MGMT: variants seen among roughly 807,000 people sequenced by gnomAD.
MGMT encodes methylated-DNA--protein-cysteine methyltransferase.
Under a neutral mutation model 15.9 loss-of-function variants are expected in MGMT, and 14 were observed. The observed-to-expected ratio is 0.88, with a 90% CI of 0.58 to 1.37. The LOEUF is 1.37. Ranked by LOEUF, MGMT falls within the 40% of genes most tolerant of loss-of-function variation. MGMT has a pLI of 0.00. For missense variants in MGMT, 282 were observed against 268.1 expected (o/e 1.05, Z -0.36); for synonymous variants, 130 against 118.2 (o/e 1.10, Z -0.65).
In MGMT at chr10:129,725,161, C is replaced by T. The variant is rs116374271; in HGVS notation, c.274+17118C>T. On this transcript the variant is annotated intron_variant, in intron 3 of 4. Transcript: ENST00000651593. Reference sequence around the variant, plus strand: ...TGGCCTTGGGAGGTGAGTGTGGTGTCGCCTTGCAGCCTTGCACTCAGCTTT... The same window carrying T: ...TGGCCTTGGGAGGTGAGTGTGGTGTTGCCTTGCAGCCTTGCACTCAGCTTT... 4.1e-3 allele frequency among the ~76,000 whole-genome samples: 629 copies of T among 152,330 alleles called. 3 individuals carry two copies. Among genetic ancestry groups the T allele is most frequent in the African/African-American group, 0.014 (590 of 41,572 alleles).
rs114906665 is a variant in MGMT, at chr10:129,506,868, G to C, written c.-12-29373G>C. Among the ~76,000 whole-genome samples the C allele has an allele frequency of 3.3e-3, 502 of 152,254 alleles. 1 individual carries two copies. The highest frequency in any genetic ancestry group is 0.011 in the African/African-American group (477 of 41,538). On this transcript the variant is annotated intron_variant, in intron 1 of 4. Coordinates refer to ENST00000651593, the MANE Select transcript of MGMT (RefSeq NM_002412.5). ...GAAACTTTTCTTAGTCCTTGGATTTGGATGTTGTCATCTTCAGGGCATCTT... is the reference window on the plus strand; with the variant it reads ...GAAACTTTTCTTAGTCCTTGGATTTCGATGTTGTCATCTTCAGGGCATCTT...
At chr10:129,636,899 G>A (rs971219039) in intron 2 of MGMT, among the ~76,000 whole-genome samples, 16 of 152,300 alleles carry the variant, frequency 1.1e-4, no homozygotes, top group Middle Eastern at 3.4e-3. Context: ...AACATTGAAA[G>A]TTCTGTTTTC....
At chr10:129,545,993 G>T (rs1846093962) in intron 2 of MGMT, among the ~76,000 whole-genome samples, 1 of 152,234 alleles carries the variant, frequency 6.6e-6, no homozygotes, top group Non-Finnish European at 1.5e-5. Context: ...CTGAAGCATT[G>T]TCTTGTGGCA....
At chr10:129,612,505 T>C (rs747854310) in intron 2 of MGMT, among the ~76,000 whole-genome samples, 1 of 152,194 alleles carries the variant, frequency 6.6e-6, no homozygotes, top group Non-Finnish European at 1.5e-5. Flanking sequence ...CATTACCTAG[T>C]TTTATACCCG....
At chr10:129,700,999 C>G (rs1465385907) in intron 2 of MGMT, 1 of 152,268 alleles carries the variant, frequency 6.6e-6, no homozygotes, top group Non-Finnish European at 1.5e-5. Context: ...CTCTCCTGGC[C>G]CTCCACACCA....
At chr10:129,567,264 T>G (rs746178846) in intron 2 of MGMT, among the ~76,000 whole-genome samples, 5 of 152,114 alleles carry the variant, frequency 3.3e-5, no homozygotes, top group African/African-American at 9.7e-5. Flanking sequence ...TTCTCAGCTC[T>G]AAGGGGCATT....
chr10:129,660,597 A>G (rs1235148538), intron 2 of MGMT, among the ~76,000 whole-genome samples: 1 of 152,172 alleles, frequency 6.6e-6, no homozygotes, highest in Non-Finnish European at 1.5e-5. Flanking sequence ...GCTGAGGGAC[A>G]TGGAGCCCTC....
intron 2 of MGMT, among the ~76,000 whole-genome samples, chr10:129,603,913 C>T (rs1000597181): frequency 1.3e-5 from 2 of 152,250 alleles, no homozygotes; most frequent in African/African-American, 4.8e-5. Flanking sequence ...CCTGTGCCCT[C>T]TTGCAGGTTC....
chr10:129,554,634 T>C (rs551363830), intron 2 of MGMT, among the ~76,000 whole-genome samples: 5 of 152,316 alleles, frequency 3.3e-5, no homozygotes, highest in South Asian at 4.1e-4. Flanking sequence ...TCCCTGTAGC[T>C]TTTTTGTCTG....
At chr10:129,638,016 C>A (rs1385018607) in intron 2 of MGMT, among the ~76,000 whole-genome samples, 1 of 152,192 alleles carries the variant, frequency 6.6e-6, no homozygotes, top group Non-Finnish European at 1.5e-5. Context: ...TCCTGCAGTG[C>A]TCAGTCTGGT....
Position 129,769,232 on chromosome 10 carries a change from G to A in MGMT, c.*2235G>A, listed in dbSNP as rs1375738755. The A allele has an allele frequency of 6.6e-6, 1 of 152,300 alleles. No homozygotes were observed. The highest frequency in any genetic ancestry group is 2.4e-5 in the African/African-American group (1 of 41,454). The allele number at this position is 152,300 out of a possible 1,614,324, so 9.4% of individuals were successfully genotyped here. On this transcript the variant is annotated 3_prime_UTR_variant, in exon 5 of 5. Coordinates refer to ENST00000651593, the MANE Select transcript of MGMT (RefSeq NM_002412.5). ...AGATGCCCGGAGGTTCCCTCTGACA[G>A]CCGCAGCAGCAGGGCTCAAACCGGC...
intron 2 of MGMT, among the ~76,000 whole-genome samples, chr10:129,623,402 TGGG>T (rs1286265216): frequency 6.6e-6 from 1 of 152,040 alleles, no homozygotes; most frequent in Admixed American, 6.6e-5. Flanking sequence ...AGTTTGGAGT[TGGG>T]GGGATATGGC....
intron 2 of MGMT, among the ~76,000 whole-genome samples, chr10:129,589,557 CATT>C (rs1227639928): frequency 2.0e-5 from 3 of 152,234 alleles, no homozygotes; most frequent in African/African-American, 7.2e-5. Flanking sequence ...TGAAACTTTC[CATT>C]ATTCTCAGCA....
At chr10:129,606,994 G>GT (rs755317843) in intron 2 of MGMT, among the ~76,000 whole-genome samples, 3 of 152,144 alleles carry the variant, frequency 2.0e-5, no homozygotes, top group Non-Finnish European at 2.9e-5. Flanking sequence ...GGGAAAGCCC[G>GT]TTTTTTCTCT....
chr10:129,651,481 A>C (rs549775443), intron 2 of MGMT, among the ~76,000 whole-genome samples: 9 of 152,060 alleles, frequency 5.9e-5, no homozygotes, highest in Non-Finnish European at 8.8e-5. Flanking sequence ...GTTTTTTACT[A>C]TAGCGAACAA....
intron 1 of MGMT, among the ~76,000 whole-genome samples, chr10:129,509,166 T>C (rs765100690): frequency 1.3e-5 from 2 of 152,208 alleles, no homozygotes; most frequent in Non-Finnish European, 2.9e-5. Flanking sequence ...ATTTTCCCTT[T>C]TAGCTGCATG....
At chr10:129,537,646 T>C (rs1290762789) in intron 2 of MGMT, among the ~76,000 whole-genome samples, 1 of 152,108 alleles carries the variant, frequency 6.6e-6, no homozygotes, top group Non-Finnish European at 1.5e-5. Context: ...TTATAAGATA[T>C]GTTTAGTTAA....
Position 129,769,607 on chromosome 10 carries a change from G to A in MGMT, c.*2610G>A, listed in dbSNP as rs757262956. Among the ~76,000 whole-genome samples, 4 of 151,886 alleles carry A rather than the reference G, an allele frequency of 2.6e-5. No individual in the cohort carries two copies. The highest frequency in any genetic ancestry group is 5.9e-5 in the Non-Finnish European group (4 of 68,014). On this transcript the variant is annotated 3_prime_UTR_variant, in exon 5 of 5. Coordinates refer to ENST00000651593, the MANE Select transcript of MGMT (RefSeq NM_002412.5). ...TGTTTCCAGAGAGATGAGAGAGTCA[G>A]AAGTAATACTTGTTTTTGCAGAACC...
At chr10:129,611,083 A>G (rs527606702) in intron 2 of MGMT, among the ~76,000 whole-genome samples, 1 of 152,322 alleles carries the variant, frequency 6.6e-6, no homozygotes, top group African/African-American at 2.4e-5. Flanking sequence ...ATGAAAGAAC[A>G]CATCAACTCC....
Sources: gnomAD v4.1 joint callset for allele counts (sites outside exome capture counted in the v4.1 genomes callset) on GRCh38, gnomAD v4.1.1 for gene constraint, MANE v1.5 for transcripts, NCBI Gene and HGNC (gene_info 2026-07-23, HGNC 2026-07-21) for gene names.